Variants in GK5 observed in about 807,000 individuals in gnomAD.
GK5 encodes the protein ATP:glycerol 3-phosphotransferase 5.
In GK5, 39 loss-of-function variants were observed where a neutral mutation model predicts 77.3. That is an observed-to-expected ratio of 0.50 (90% CI 0.39 to 0.66). The LOEUF (loss-of-function observed/expected upper bound fraction) is 0.66. GK5 is among the 30% of genes least tolerant of loss of function. The pLI is 0.00. For synonymous variants in GK5, 211 were observed against 208.0 expected, an observed-to-expected ratio of 1.01 and a Z score of -0.13; for missense variants, 487 against 633.8, an observed-to-expected ratio of 0.77 and a Z score of 2.49.
intron 1 of GK5, among the ~76,000 whole-genome samples, chr3:142,222,489 C>T (rs2064365099): frequency 6.6e-6 from 1 of 151,638 alleles, no homozygotes; most frequent in African/African-American, 2.4e-5. Flanking sequence ...AGCATGAAGC[C>T]GGGAGGCGGA....
chr3:142,159,643 A>T lies in GK5; in HGVS notation c.*5979T>A, dbSNP rs2063409150. The T allele has an allele frequency of 6.6e-6, 1 of 152,046 alleles. No homozygotes were observed. The highest frequency in any genetic ancestry group is 2.4e-5 in the African/African-American group (1 of 41,364). 9.4% of individuals were successfully genotyped at this position (152,046 alleles called of 1,614,324 possible). A position where few individuals can be genotyped will look rare whatever the true frequency, so the allele number is the denominator to read the frequency against. On this transcript the variant is annotated 3_prime_UTR_variant, in exon 16 of 16. Coordinates refer to ENST00000392993, the MANE Select transcript of GK5 (RefSeq NM_001039547.3). ...GGCTTCAAAACTTAAAAAAAAAAAA[A>T]AGATTCCTTTTACTTGGAAAGGGGA...
At chr3:142,212,649 C>G (rs1233592460) in intron 3 of GK5, among the ~76,000 whole-genome samples, 2 of 152,072 alleles carry the variant, frequency 1.3e-5, no homozygotes, top group African/African-American at 4.8e-5. Context: ...TCTATTTGCT[C>G]CCTGAGCAAC....
rs1034279002 is a variant in GK5 at position 142,158,651 on chromosome 3, A to T, written c.*6971T>A. ...CAGTGGCTCACATCAGAGAAATAAG[A>T]TTATGAATTTACTGAGGCATACAAA... On this transcript the variant is annotated 3_prime_UTR_variant, in exon 16 of 16. Coordinates refer to ENST00000392993, the MANE Select transcript of GK5 (RefSeq NM_001039547.3). 2 of 152,612 alleles carry T rather than the reference A, an allele frequency of 1.3e-5. No homozygotes were observed. Among genetic ancestry groups the T allele is most frequent in the Non-Finnish European group, 2.9e-5 (2 of 68,040 alleles). 9.5% of individuals were successfully genotyped at this position (152,612 alleles called of 1,614,324 possible). A position where few individuals can be genotyped will look rare whatever the true frequency, so the allele number is the denominator to read the frequency against.
At chr3:142,198,654 G>T in intron 5 of GK5, 148 bp downstream of exon 5, 1 of 629,978 alleles carries the variant, frequency 1.6e-6, no homozygotes, top group Non-Finnish European at 2.5e-6. Context: ...ATGCCACTTT[G>T]TCTTCCATTC....
At chr3:142,214,084 A>G (rs2064236997) in intron 2 of GK5, among the ~76,000 whole-genome samples, 1 of 152,232 alleles carries the variant, frequency 6.6e-6, no homozygotes, top group Non-Finnish European at 1.5e-5. Flanking sequence ...TTGGCCTCCC[A>G]AAGTGCTGGG....
intron 4 of GK5, among the ~76,000 whole-genome samples, chr3:142,203,142 A>G (rs919630116): frequency 5.3e-5 from 8 of 152,168 alleles, no homozygotes; most frequent in African/African-American, 1.9e-4. Context: ...AAATTATACA[A>G]TTGAGGGTTC....
chr3:142,201,336 G>A (rs1212528036), intron 4 of GK5, among the ~76,000 whole-genome samples: 1 of 152,198 alleles, frequency 6.6e-6, no homozygotes, highest in Non-Finnish European at 1.5e-5. Context: ...CAACTTGAAT[G>A]AATCTCCAGG....
intron 3 of GK5, among the ~76,000 whole-genome samples, chr3:142,206,299 T>C (rs1195025500): frequency 1.3e-5 from 2 of 152,210 alleles, no homozygotes; most frequent in Non-Finnish European, 2.9e-5. Flanking sequence ...TGCTGGGTCA[T>C]ATAGTAATTC....
At position 142,165,599 on chromosome 3, in the gene GK5, G is replaced by T. The variant is rs1003138248; in HGVS notation, c.*23C>A. 1 of 1,574,396 alleles carries T rather than the reference G, an allele frequency of 6.4e-7. No homozygotes were observed. The highest frequency in any genetic ancestry group is 8.6e-7 in the Non-Finnish European group (1 of 1,160,934). On this transcript the variant is annotated 3_prime_UTR_variant, in exon 16 of 16. Coordinates refer to ENST00000392993, the MANE Select transcript of GK5 (RefSeq NM_001039547.3). ...CACGTCACATAAACCAGCTACCTAT[G>T]GTTTTGATCATTTCATTTAGTGTTA...
At chr3:142,182,343 TA>T (rs1560215876) in intron 10 of GK5, among the ~76,000 whole-genome samples, 2 of 152,076 alleles carry the variant, frequency 1.3e-5, no homozygotes, top group Admixed American at 1.3e-4. Context: ...AGAACCCTAG[TA>T]AGAAGATTTT....
intron 3 of GK5, among the ~76,000 whole-genome samples, chr3:142,211,072 C>G (rs1285018210): frequency 6.6e-6 from 1 of 152,258 alleles, no homozygotes; most frequent in Non-Finnish European, 1.5e-5. Flanking sequence ...CACATAATCT[C>G]TACCAGAGAA....
rs572146789 is a variant in GK5, at chr3:142,159,579, T to C, written c.*6043A>G. On this transcript the variant is annotated 3_prime_UTR_variant, in exon 16 of 16. Coordinates refer to ENST00000392993, the MANE Select transcript of GK5 (RefSeq NM_001039547.3). ...AATATGATACAGCCAATGACTTAGG[T>C]GCCAATAGATGCTGGTGCCAAAATA... 97 of 151,420 alleles carry C rather than the reference T, an allele frequency of 6.4e-4. No individual in the cohort carries two copies. Among genetic ancestry groups the C allele is most frequent in the African/African-American group, 2.3e-3 (93 of 41,198 alleles). 9.4% of individuals were successfully genotyped at this position (151,420 alleles called of 1,614,324 possible).
chr3:142,201,581 T>C (rs1341413561), intron 4 of GK5, among the ~76,000 whole-genome samples: 1 of 152,176 alleles, frequency 6.6e-6, no homozygotes, highest in Non-Finnish European at 1.5e-5. Flanking sequence ...ATCTTGCATA[T>C]GCTCCTGGAT....
intron 3 of GK5, among the ~76,000 whole-genome samples, chr3:142,209,292 C>A (rs1420957228): frequency 1.3e-5 from 2 of 152,174 alleles, no homozygotes; most frequent in African/African-American, 2.4e-5. Flanking sequence ...ACATTCCCAA[C>A]AAAATGTGCT....
rs2063633797 is a variant in GK5, at chr3:142,177,559, C to G, written c.1066G>C (p.Ala356Pro). 1 of 1,610,850 alleles carries G rather than the reference C, an allele frequency of 6.2e-7. No individual in the cohort carries two copies. Among genetic ancestry groups the G allele is most frequent in the African/African-American group, 1.3e-5 (1 of 74,804 alleles). The change falls in exon 12 of 16, where the codon GCT (alanine) becomes CCT (proline). Residue 356 changes from alanine to proline, a missense_variant. Around this residue, in one of 4 missense-constraint regions of GK5, gnomAD observed 323 missense variants for 437.4 expected, o/e 0.74. Coordinates refer to ENST00000392993, the MANE Select transcript of GK5 (RefSeq NM_001039547.3). Reference sequence around the variant, plus strand: ...CTTTTGGCCATTTTTTCAGTCTCAGCAGCATCTGTGAAAAGGTCTGCAAAA... The same window carrying G: ...CTTTTGGCCATTTTTTCAGTCTCAGGAGCATCTGTGAAAAGGTCTGCAAAA... ...AQQLDLFTDA[A>P]ETEKMAKSLE...
intron 4 of GK5, chr3:142,204,318 T>C (rs1317304407): frequency 3.4e-6 from 1 of 295,832 alleles, no homozygotes; most frequent in African/African-American, 2.2e-5. Flanking sequence ...ATGCCTGTAA[T>C]GATAAGAGCT....
chr3:142,167,386 T>A (rs552291143), intron 15 of GK5, among the ~76,000 whole-genome samples: 13 of 151,372 alleles, frequency 8.6e-5, no homozygotes, highest in South Asian at 4.2e-4. Flanking sequence ...AAAAAAAAAA[T>A]TTTTAATTAA....
chr3:142,200,727 G>C (rs904011204), intron 4 of GK5, among the ~76,000 whole-genome samples: 1 of 152,138 alleles, frequency 6.6e-6, no homozygotes, highest in African/African-American at 2.4e-5. Flanking sequence ...AATATTACAA[G>C]CTCTAATAAC....
chr3:142,222,067 C>T (rs1475635421), intron 1 of GK5, among the ~76,000 whole-genome samples: 3 of 152,152 alleles, frequency 2.0e-5, no homozygotes, highest in African/African-American at 7.2e-5. Flanking sequence ...TTTCACTTGA[C>T]AGAATAAACA....
Sources: gnomAD v4.1 joint callset for allele counts (sites outside exome capture counted in the v4.1 genomes callset) on GRCh38, gnomAD v4.1.1 for gene constraint, gnomAD v4.1.1 regional missense constraint, MANE v1.5 for transcripts, NCBI Gene and HGNC (gene_info 2026-07-23, HGNC 2026-07-21) for gene names.